The following ZNF385D variants were observed in gnomAD, a reference collection of about 807,000 sequenced individuals.
ZNF385D encodes zinc finger protein 659.
Under a neutral mutation model 35.8 loss-of-function variants are expected in ZNF385D, and 15 were observed. The observed-to-expected ratio is 0.42, with a 90% CI of 0.28 to 0.64. The LOEUF (loss-of-function observed/expected upper bound fraction) is 0.64, where lower values mean the gene tolerates loss of function less well. Ranked by LOEUF, ZNF385D falls within the 30% of genes least tolerant of loss-of-function variation. The probability of loss-of-function intolerance (pLI) is 0.23; values close to 1 mark genes in which losing one functional copy is unlikely to be tolerated. For synonymous variants in ZNF385D, 212 were observed against 186.8 expected (o/e 1.13, Z -1.10); for missense variants, 474 against 494.6 (o/e 0.96, Z 0.39).
intron 2 of ZNF385D, among the ~76,000 whole-genome samples, chr3:22,316,074 C>A (rs994028440): frequency 6.6e-6 from 1 of 152,194 alleles, no homozygotes; most frequent in Non-Finnish European, 1.5e-5. Flanking sequence ...TGACAACTCA[C>A]TGACCCCACC....
At chr3:22,121,924 A>G (rs761986427) in intron 3 of ZNF385D, among the ~76,000 whole-genome samples, 1 of 152,110 alleles carries the variant, frequency 6.6e-6, no homozygotes, top group African/African-American at 2.4e-5. Flanking sequence ...TCAAGGGGCT[A>G]ATCTTAAGAC....
intron 2 of ZNF385D, among the ~76,000 whole-genome samples, chr3:22,342,159 C>T (rs1198180148): frequency 6.6e-6 from 1 of 151,252 alleles, no homozygotes; most frequent in Non-Finnish European, 1.5e-5. Flanking sequence ...AGCCTGTAGA[C>T]CCAGCTACTC....
intron 2 of ZNF385D, among the ~76,000 whole-genome samples, chr3:21,631,379 C>T (rs2065276597): frequency 6.7e-6 from 1 of 148,830 alleles, no homozygotes; most frequent in Non-Finnish European, 1.5e-5. Context: ...ATCACAAGAG[C>T]AGGCCCACCT....
chr3:22,354,165 T>A (rs907006577), intron 2 of ZNF385D, among the ~76,000 whole-genome samples: 16 of 152,260 alleles, frequency 1.1e-4, no homozygotes, highest in African/African-American at 3.9e-4. Flanking sequence ...TATATCGCCT[T>A]GGTTTGAAAG....
chr3:21,945,401 T>A (rs1040177229), intron 3 of ZNF385D, among the ~76,000 whole-genome samples: 2 of 152,170 alleles, frequency 1.3e-5, no homozygotes, highest in Non-Finnish European at 2.9e-5. Flanking sequence ...TAGTTGTATG[T>A]TTTCTTCATA....
chr3:22,181,497 C>T (rs986053925), intron 2 of ZNF385D, among the ~76,000 whole-genome samples: 2 of 151,964 alleles, frequency 1.3e-5, no homozygotes. Flanking sequence ...GAGATCGAGA[C>T]CATGCTGGCG....
intron 2 of ZNF385D, among the ~76,000 whole-genome samples, chr3:21,630,071 A>T (rs13058873): frequency 0.59 from 90,072 of 151,906 alleles, 27,189 homozygotes; most frequent in Non-Finnish European, 0.64. Flanking sequence ...TATCATAACC[A>T]TTTGATACAG....
chr3:21,697,371 G>C (rs1347160157), intron 1 of ZNF385D, among the ~76,000 whole-genome samples: 2 of 152,130 alleles, frequency 1.3e-5, no homozygotes, highest in Non-Finnish European at 2.9e-5. Context: ...GTTGAATTCT[G>C]TCTTTATCTC....
At chr3:22,188,049 T>C (rs1234913052) in intron 2 of ZNF385D, among the ~76,000 whole-genome samples, 1 of 152,174 alleles carries the variant, frequency 6.6e-6, no homozygotes, top group Non-Finnish European at 1.5e-5. Context: ...AAACTTCACC[T>C]TTCAATACCA....
At chr3:21,743,523 G>T (rs1401153942) in intron 1 of ZNF385D, among the ~76,000 whole-genome samples, 3 of 152,212 alleles carry the variant, frequency 2.0e-5, no homozygotes, top group Non-Finnish European at 4.4e-5. Context: ...CAAGTTCAAG[G>T]CGTAGGCCTG....
chr3:21,785,710 A>G (rs76431439), intron 3 of ZNF385D, among the ~76,000 whole-genome samples: 122 of 152,362 alleles, frequency 8.0e-4, no homozygotes, highest in African/African-American at 2.7e-3. Flanking sequence ...TCATAACACA[A>G]TAACAAACTC....
At position 21,699,807 on chromosome 3, in the gene ZNF385D, T is replaced by C. The variant is rs1255341278; in HGVS notation, c.23-34779A>G. Among the ~76,000 whole-genome samples the C allele has an allele frequency of 2.0e-5, 3 of 150,842 alleles. No individual in the cohort carries two copies. In the East Asian group the frequency reaches 5.8e-4, roughly 29 times the overall value. Reference sequence around the variant, plus strand: ...ATATGTGACTTGCATTTGTGGTTCATGTTATGTTTCTTTTCCTTTTTTTTT... The same window carrying C: ...ATATGTGACTTGCATTTGTGGTTCACGTTATGTTTCTTTTCCTTTTTTTTT... On this transcript the variant is annotated intron_variant, in intron 1 of 7. Coordinates refer to ENST00000281523, the MANE Select transcript of ZNF385D (RefSeq NM_024697.3).
At chr3:22,237,084 T>G (rs11915997) in intron 2 of ZNF385D, among the ~76,000 whole-genome samples, 2,054 of 152,318 alleles carry the variant, frequency 0.013, 46 homozygotes, top group African/African-American at 0.047. Context: ...CATTTCCCTT[T>G]TTGAAGAACT....
chr3:21,806,406 C>T (rs2072649908), intron 3 of ZNF385D, among the ~76,000 whole-genome samples: 3 of 151,932 alleles, frequency 2.0e-5, no homozygotes, highest in Admixed American at 1.3e-4. Flanking sequence ...GGGGTTTCAC[C>T]GTGTGAGCCA....
chr3:21,877,473 T>A (rs1286270742), intron 3 of ZNF385D, among the ~76,000 whole-genome samples: 2 of 152,058 alleles, frequency 1.3e-5, no homozygotes, highest in African/African-American at 2.4e-5. Context: ...CACACACACT[T>A]TGGTAGTTAT....
intron 3 of ZNF385D, among the ~76,000 whole-genome samples, chr3:21,903,555 T>G (rs1699524000): frequency 6.6e-6 from 1 of 152,190 alleles, no homozygotes; most frequent in Admixed American, 6.5e-5. Context: ...TTTTACAAGT[T>G]GATGGAAATG....
At chr3:22,009,522 C>T (rs180676151) in intron 3 of ZNF385D, among the ~76,000 whole-genome samples, 34 of 151,100 alleles carry the variant, frequency 2.3e-4, no homozygotes, top group African/African-American at 6.8e-4. Flanking sequence ...ACTCGGGAGG[C>T]TGAGTCAGGA....
At chr3:22,118,312 G>A (rs533684041) in intron 3 of ZNF385D, among the ~76,000 whole-genome samples, 58 of 152,086 alleles carry the variant, frequency 3.8e-4, no homozygotes, top group Middle Eastern at 6.8e-3. Context: ...ACCATAAATT[G>A]TTTTGCCATG....
chr3:22,114,069 G>A (rs1270764515), intron 3 of ZNF385D, among the ~76,000 whole-genome samples: 2 of 152,018 alleles, frequency 1.3e-5, no homozygotes, highest in African/African-American at 2.4e-5. Flanking sequence ...CAACGTTTAA[G>A]TGAGAAAACA....
Sources: gnomAD v4.1 joint callset for allele counts (sites outside exome capture counted in the v4.1 genomes callset) on GRCh38, gnomAD v4.1.1 for gene constraint, MANE v1.5 for transcripts, NCBI Gene and HGNC (gene_info 2026-07-23, HGNC 2026-07-21) for gene names.